Variants in ZFAT observed in about 807,000 individuals in gnomAD.
ZFAT encodes the protein zinc finger and AT-hook domain containing.
In ZFAT, 64 loss-of-function variants were observed where a neutral mutation model predicts 117.7. The observed-to-expected ratio is 0.54, with a 90% CI of 0.44 to 0.67. ZFAT has a LOEUF of 0.67. ZFAT is among the 30% of genes least tolerant of loss of function. ZFAT has a pLI of 0.00. For missense variants in ZFAT, 1,433 were observed against 1,584.5 expected (o/e 0.90, Z 1.62); for synonymous variants, 679 against 615.0 (o/e 1.10, Z -1.54).
At chr8:134,552,362 C>CA (rs1823229036) in intron 11 of ZFAT, among the ~76,000 whole-genome samples, 1 of 152,190 alleles carries the variant, frequency 6.6e-6, no homozygotes, top group South Asian at 2.1e-4. Flanking sequence ...TTCTGAATGT[C>CA]AAATTGTGGT....
the ZFAT span, among the ~76,000 whole-genome samples, chr8:134,779,211 A>C: frequency 6.6e-6 from 1 of 152,318 alleles, no homozygotes; most frequent in East Asian, 1.9e-4. Flanking sequence ...CAGGACAGTG[A>C]GTCTCAACAG....
rs1005961215 is a variant in ZFAT, at chr8:134,504,507, T to C, written c.3492+5112A>G. ...CCCAGGAACAAGAGGCCAAGACAAA[T>C]GTCAGTGACAGTCTTAGACAGGCAC... On this transcript the variant is annotated intron_variant, in intron 15 of 15. Coordinates refer to ENST00000377838, the MANE Select transcript of ZFAT (RefSeq NM_020863.4). Among the ~76,000 whole-genome samples the C allele has an allele frequency of 2.0e-5, 3 of 152,172 alleles. No individual in the cohort carries two copies. In the East Asian group the frequency reaches 5.8e-4, roughly 29 times the overall value.
At chr8:134,823,627 T>C in the ZFAT span, among the ~76,000 whole-genome samples, 5 of 152,342 alleles carry the variant, frequency 3.3e-5, no homozygotes, top group Admixed American at 3.3e-4. Context: ...GGTTTCATTC[T>C]ACCTTTAGAG....
At chr8:134,642,567 T>C (rs556067826) in intron 2 of ZFAT, among the ~76,000 whole-genome samples, 85 of 152,348 alleles carry the variant, frequency 5.6e-4, no homozygotes, top group African/African-American at 1.7e-3. Context: ...AGTTAGATAA[T>C]GTGATTTCTT....
intron 15 of ZFAT, among the ~76,000 whole-genome samples, chr8:134,500,777 G>A (rs1818914609): frequency 6.6e-6 from 1 of 152,220 alleles, no homozygotes; most frequent in African/African-American, 2.4e-5. Flanking sequence ...ACAAGGGAGA[G>A]TAACCTATTG....
chr8:134,778,625 G>T, the ZFAT span, among the ~76,000 whole-genome samples: 26 of 152,306 alleles, frequency 1.7e-4, no homozygotes, highest in Admixed American at 6.5e-4. Context: ...GGGAGAGTCT[G>T]ACTAATAAAT....
chr8:134,637,821 A>C, intron 2 of ZFAT, 109 bp from the exon 3 acceptor site: 1 of 1,446,454 alleles, frequency 6.9e-7, no homozygotes, highest in South Asian at 1.4e-5. Context: ...TTCATTAAAA[A>C]TGAAAAGTCT....
chr8:134,489,843 T>C lies in ZFAT; in HGVS notation c.3493-11122A>G, dbSNP rs1700919179. Among the ~76,000 whole-genome samples, 3 of 152,172 alleles carry C rather than the reference T, an allele frequency of 2.0e-5. No individual in the cohort carries two copies. In the South Asian group the frequency reaches 6.2e-4, roughly 31 times the overall value. ...CATTTCCAAGTTAACAAAGCCAAAATGGAACTAGTCACTTCCTGCCCACCC... is the reference window on the plus strand; with the variant it reads ...CATTTCCAAGTTAACAAAGCCAAAACGGAACTAGTCACTTCCTGCCCACCC... On this transcript the variant is annotated intron_variant, in intron 15 of 15. Coordinates refer to ENST00000377838, the MANE Select transcript of ZFAT (RefSeq NM_020863.4).
chr8:134,692,670 T>G (rs942819123), intron 1 of ZFAT, among the ~76,000 whole-genome samples: 2 of 152,204 alleles, frequency 1.3e-5, no homozygotes, highest in African/African-American at 2.4e-5. Flanking sequence ...AAAACCATAC[T>G]TTAAATGAAT....
At chr8:134,512,384 C>G in intron 14 of ZFAT, 91 bp downstream of exon 14, 1 of 1,540,358 alleles carries the variant, frequency 6.5e-7, no homozygotes, top group Non-Finnish European at 8.8e-7. Context: ...AGTAGATCAC[C>G]TGATGGACAT....
intron 1 of ZFAT, among the ~76,000 whole-genome samples, chr8:134,703,744 G>C (rs746782789): frequency 5.3e-5 from 8 of 152,302 alleles, no homozygotes; most frequent in Non-Finnish European, 1.0e-4. Flanking sequence ...GTTATGACCA[G>C]ACCCTATCTT....
the ZFAT span, among the ~76,000 whole-genome samples, chr8:134,742,341 C>T: frequency 6.6e-6 from 1 of 152,084 alleles, no homozygotes; most frequent in South Asian, 2.1e-4. Context: ...TTCCCAGAAC[C>T]GCTGGGTCAA....
chr8:134,639,804 C>T (rs552755058), intron 2 of ZFAT: 1 of 456,252 alleles, frequency 2.2e-6, no homozygotes, highest in African/African-American at 2.0e-5. Context: ...GTTCCAGAAA[C>T]AGGGTGCCTA....
intron 15 of ZFAT, among the ~76,000 whole-genome samples, chr8:134,493,264 G>A (rs1020037580): frequency 1.3e-5 from 2 of 152,162 alleles, no homozygotes; most frequent in African/African-American, 4.8e-5. Flanking sequence ...GCACTGGAGA[G>A]CTCTGCTGCC....
At chr8:134,748,633 A>G in the ZFAT span, among the ~76,000 whole-genome samples, 1 of 152,198 alleles carries the variant, frequency 6.6e-6, no homozygotes, top group Non-Finnish European at 1.5e-5. Context: ...TTCACTATAC[A>G]ACGCGACACT....
In ZFAT at chr8:134,653,671, T is replaced by C. The variant is rs142073845; in HGVS notation, c.196+3890A>G. Among the ~76,000 whole-genome samples, 1,126 of 152,212 alleles carry C rather than the reference T, an allele frequency of 7.4e-3. 10 individuals carry two copies. The highest frequency in any genetic ancestry group is 0.013 in the Admixed American group (199 of 15,284). On this transcript the variant is annotated intron_variant, in intron 2 of 15. Transcript: ENST00000377838. The stretch of plus-strand genomic sequence containing the variant: ...GCTGTGACTTCACAATGTATATGTA[T>C]ATCAAAATATCACATATACACCGTA...
At chr8:134,727,950 A>G in the ZFAT span, among the ~76,000 whole-genome samples, 1 of 152,210 alleles carries the variant, frequency 6.6e-6, no homozygotes, top group African/African-American at 2.4e-5. Flanking sequence ...TTGTTCTTTT[A>G]GCATTAGCTA....
At chr8:134,536,072 C>G (rs981727547) in intron 11 of ZFAT, among the ~76,000 whole-genome samples, 1 of 152,176 alleles carries the variant, frequency 6.6e-6, no homozygotes, top group East Asian at 1.9e-4. Flanking sequence ...GAGTTCAGCT[C>G]GCTTTCTTCC....
intron 7 of ZFAT, among the ~76,000 whole-genome samples, chr8:134,595,168 GCA>G (rs1201248365): frequency 1.3e-5 from 2 of 152,190 alleles, no homozygotes; most frequent in Non-Finnish European, 2.9e-5. Context: ...GCACATTCAT[GCA>G]CACACACTGA....
Sources: allele counts gnomAD v4.1 joint callset (sites outside exome capture counted in the v4.1 genomes callset), GRCh38; gene constraint gnomAD v4.1.1; transcripts MANE v1.5; gene names NCBI Gene and HGNC (gene_info 2026-07-23, HGNC 2026-07-21).